TNFRSF10D: variants seen among roughly 807,000 people sequenced by gnomAD.
TNFRSF10D encodes TNF receptor superfamily member 10d, also known as tumor necrosis factor receptor superfamily member 10D.
TNFRSF10D carries 28 observed loss-of-function variants against 42.1 expected under a neutral mutation model. That is an observed-to-expected ratio of 0.66 (90% CI 0.49 to 0.91). TNFRSF10D has a LOEUF of 0.91. Among genes scored for constraint, TNFRSF10D ranks in the 40% least tolerant of loss-of-function variants. The pLI is 0.00. For synonymous variants in TNFRSF10D, 186 were observed against 189.4 expected (o/e 0.98, Z 0.15); for missense variants, 503 against 486.1 (o/e 1.03, Z -0.33).
Position 23,144,672 on chromosome 8 carries a change from C to A in TNFRSF10D, c.769-37G>T, listed in dbSNP as rs116787996. 2,726 of 1,594,920 alleles carry A rather than the reference C, an allele frequency of 1.7e-3. No individual in the cohort carries two copies. In the African/African-American group the frequency reaches 0.02, roughly 12 times the overall value. ...AAAGAGCCCACTCAAGTCCACACCC[C>A]GGGCTCAGCTTCAGGGTCCCCAGTA... On this transcript the variant is annotated intron_variant, in intron 6 of 8. Transcript: ENST00000312584.
chr8:23,148,953 G>A (rs1166776412), intron 2 of TNFRSF10D, among the ~76,000 whole-genome samples: 1 of 151,594 alleles, frequency 6.6e-6, no homozygotes, highest in Non-Finnish European at 1.5e-5. Context: ...TACTTAGGGA[G>A]GCCAAGGCGG....
At chr8:23,162,403 A>G (rs1000935802) in intron 1 of TNFRSF10D, among the ~76,000 whole-genome samples, 2 of 152,174 alleles carry the variant, frequency 1.3e-5, no homozygotes, top group African/African-American at 4.8e-5. Context: ...CAGTTGTGTA[A>G]TTTTTGAGAG....
intron 4 of TNFRSF10D, among the ~76,000 whole-genome samples, chr8:23,146,176 C>G (rs959935409): frequency 6.6e-6 from 1 of 152,226 alleles, no homozygotes; most frequent in African/African-American, 2.4e-5. Flanking sequence ...TGGGCACACA[C>G]TGAGCTTCCC....
intron 7 of TNFRSF10D, among the ~76,000 whole-genome samples, chr8:23,143,536 TTAC>T (rs1259516685): frequency 6.1e-3 from 931 of 152,172 alleles, no homozygotes; most frequent in African/African-American, 0.019. Context: ...GTTTATTTCC[TTAC>T]CTTTTTATAC....
rs1800106370 is a variant in TNFRSF10D, at chr8:23,145,553, C to G, written c.736+115G>C. The G allele has an allele frequency of 7.3e-6, 11 of 1,510,534 alleles. No individual in the cohort carries two copies. The South Asian group carries it at 1.3e-4, about 18-fold the overall frequency. 93.6% of individuals were successfully genotyped at this position (1,510,534 alleles called of 1,614,324 possible). A position where few individuals can be genotyped will look rare whatever the true frequency, so the allele number is the denominator to read the frequency against. ...GGCGATCACAAGAAGGAAGACCAAGCCAGGCTGGAGACGCTTGGACCAGGG... is the reference window on the plus strand; with the variant it reads ...GGCGATCACAAGAAGGAAGACCAAGGCAGGCTGGAGACGCTTGGACCAGGG... On this transcript the variant is annotated intron_variant, in intron 5 of 8. Transcript: ENST00000312584.
At chr8:23,159,203 G>GT (rs1244284554) in intron 1 of TNFRSF10D, among the ~76,000 whole-genome samples, 880 of 151,962 alleles carry the variant, frequency 5.8e-3, no homozygotes, top group African/African-American at 0.018. Context: ...TGGGCTCTAA[G>GT]GATGCACCCA....
At chr8:23,153,980 C>T (rs936547171) in intron 2 of TNFRSF10D, among the ~76,000 whole-genome samples, 1 of 152,098 alleles carries the variant, frequency 6.6e-6, no homozygotes, top group African/African-American at 2.4e-5. Context: ...AAGTGTCCAT[C>T]GATGATGAAA....
intron 1 of TNFRSF10D, among the ~76,000 whole-genome samples, chr8:23,162,220 C>T (rs182254967): frequency 4.2e-3 from 644 of 151,688 alleles, no homozygotes; most frequent in African/African-American, 0.013. Context: ...ATGGAGGGAT[C>T]AAAGCCTCCT....
chr8:23,147,699 A>T (rs979384380), intron 3 of TNFRSF10D, among the ~76,000 whole-genome samples: 3 of 151,932 alleles, frequency 2.0e-5, no homozygotes, highest in African/African-American at 7.3e-5. Context: ...GGCTGAGGCA[A>T]GCGGATCACC....
At chr8:23,143,445 A>T (rs764827243) in intron 7 of TNFRSF10D, among the ~76,000 whole-genome samples, 2 of 152,202 alleles carry the variant, frequency 1.3e-5, no homozygotes, top group Non-Finnish European at 2.9e-5. Context: ...CCTGGGCAAC[A>T]TAGCAAGATC....
rs551115070 is a variant in TNFRSF10D, at chr8:23,145,922, C to T, written c.483-1G>A. 3 of 1,614,096 alleles carry T rather than the reference C, an allele frequency of 1.9e-6. No individual in the cohort carries two copies. Among genetic ancestry groups the T allele is most frequent in the Non-Finnish European group, 2.5e-6 (3 of 1,180,026 alleles). Reference sequence around the variant, plus strand: ...GACCTTGACCATCCCTCTGGGACACCTGGGTACACACAGAGAGGGAGACAG... The same window carrying T: ...GACCTTGACCATCCCTCTGGGACACTTGGGTACACACAGAGAGGGAGACAG... On this transcript the variant is annotated splice_acceptor_variant, in intron 4 of 8. Transcript: ENST00000312584. LOFTEE classifies it high-confidence loss of function.
intron 1 of TNFRSF10D, among the ~76,000 whole-genome samples, chr8:23,159,718 C>T (rs900873438): frequency 1.3e-5 from 2 of 152,024 alleles, no homozygotes; most frequent in East Asian, 3.9e-4. Flanking sequence ...AAAAATTAGC[C>T]AGGCGCAAGG....
intron 1 of TNFRSF10D, 131 bp downstream of exon 1, chr8:23,163,655 T>G: frequency 7.1e-7 from 1 of 1,400,674 alleles, no homozygotes; most frequent in Non-Finnish European, 9.5e-7. Context: ...CGACGGCGGG[T>G]TCGTCCTGCC....
chr8:23,152,167 A>G (rs185710119), intron 2 of TNFRSF10D, among the ~76,000 whole-genome samples: 877 of 152,164 alleles, frequency 5.8e-3, no homozygotes, highest in African/African-American at 0.018. Context: ...AGATGTGTCA[A>G]TTAGGGAAAA....
intron 1 of TNFRSF10D, among the ~76,000 whole-genome samples, chr8:23,155,240 GT>G (rs34813158): frequency 0.16 from 23,533 of 143,566 alleles, 2,392 homozygotes; most frequent in East Asian, 0.58. Flanking sequence ...GAGCAGAAGA[GT>G]TTTTTTTTTT....
chr8:23,159,638 C>A (rs972095712), intron 1 of TNFRSF10D, among the ~76,000 whole-genome samples: 1 of 152,106 alleles, frequency 6.6e-6, no homozygotes, highest in African/African-American at 2.4e-5. Context: ...CTGAGATGGG[C>A]GGATCACCTG....
intron 2 of TNFRSF10D, among the ~76,000 whole-genome samples, chr8:23,151,701 A>G (rs930468880): frequency 3.9e-5 from 6 of 152,230 alleles, no homozygotes; most frequent in African/African-American, 1.4e-4. Flanking sequence ...GATCAAAGAT[A>G]AATTGTTATC....
At chr8:23,138,075 C>T in intron 8 of TNFRSF10D, 72 bp from the exon 9 acceptor site, 1 of 1,608,142 alleles carries the variant, frequency 6.2e-7, no homozygotes, top group Non-Finnish European at 8.5e-7. Context: ...ATGGGGCCCC[C>T]TGCTTCCAGC....
chr8:23,137,864 A>C lies in TNFRSF10D; in HGVS notation c.*6T>G. Reference sequence around the variant, plus strand: ...AGGGAAGCTCTGGTTTCCTGAAGAGATTCTTTCACAGGCAGGACGTAGCAG... The same window carrying C: ...AGGGAAGCTCTGGTTTCCTGAAGAGCTTCTTTCACAGGCAGGACGTAGCAG... On this transcript the variant is annotated 3_prime_UTR_variant, in exon 9 of 9. Transcript: ENST00000312584. The C allele has an allele frequency of 6.2e-7, 1 of 1,607,654 alleles. No individual in the cohort carries two copies. The highest frequency in any genetic ancestry group is 8.5e-7 in the Non-Finnish European group (1 of 1,178,074).
Sources: allele counts gnomAD v4.1 joint callset (sites outside exome capture counted in the v4.1 genomes callset), GRCh38; gene constraint gnomAD v4.1.1; transcripts MANE v1.5; gene names NCBI Gene and HGNC (gene_info 2026-07-23, HGNC 2026-07-21).